Variants in AKAP6 observed in about 807,000 individuals in gnomAD.
AKAP6 encodes A-kinase anchoring protein 6.
In AKAP6, 58 loss-of-function variants were observed where a neutral mutation model predicts 188.5. That is an observed-to-expected ratio of 0.31 (90% CI 0.25 to 0.38). The LOEUF is 0.38. Among genes scored for constraint, AKAP6 ranks in the 10% least tolerant of loss-of-function variants. The pLI is 1.00. For synonymous variants in AKAP6, 989 were observed against 998.6 expected, an observed-to-expected ratio of 0.99 and a Z score of 0.18; for missense variants, 2,710 against 2,740.0, an observed-to-expected ratio of 0.99 and a Z score of 0.24.
chr14:32,552,950 T>A (rs1883538099), intron 4 of AKAP6, among the ~76,000 whole-genome samples: 1 of 152,052 alleles, frequency 6.6e-6, no homozygotes, highest in African/African-American at 2.4e-5. Flanking sequence ...CATTAACTCA[T>A]CATGGCAGAG....
intron 1 of AKAP6, among the ~76,000 whole-genome samples, chr14:32,356,950 G>A (rs111836957): frequency 7.2e-5 from 11 of 151,884 alleles, no homozygotes; most frequent in African/African-American, 2.2e-4. Context: ...TGCTTGCACC[G>A]GACATATGCC....
intron 4 of AKAP6, among the ~76,000 whole-genome samples, chr14:32,562,451 G>T (rs548704781): frequency 2.6e-5 from 4 of 152,152 alleles, no homozygotes; most frequent in Non-Finnish European, 4.4e-5. Context: ...GAAGACTATC[G>T]GTAGTCTTTT....
chr14:32,522,794 G>A (rs566483081), intron 2 of AKAP6, among the ~76,000 whole-genome samples: 1 of 152,304 alleles, frequency 6.6e-6, no homozygotes, highest in African/African-American at 2.4e-5. Flanking sequence ...ATTCCTCGGG[G>A]ATCTAGAACT....
intron 9 of AKAP6, among the ~76,000 whole-genome samples, chr14:32,728,126 C>T (rs1435163365): frequency 6.6e-6 from 1 of 150,484 alleles, no homozygotes; most frequent in East Asian, 2.0e-4. Flanking sequence ...TGAGGGGCCA[C>T]CATGAAGCCT....
At chr14:32,433,847 T>C (rs1233369444) in intron 2 of AKAP6, 30 bp downstream of exon 2, 1 of 1,584,434 alleles carries the variant, frequency 6.3e-7, no homozygotes, top group African/African-American at 1.3e-5. Flanking sequence ...CCTCTCAGGA[T>C]AGAAGTTTTC....
intron 9 of AKAP6, 114 bp downstream of exon 9, chr14:32,696,224 T>G: frequency 1.5e-6 from 2 of 1,327,280 alleles, no homozygotes; most frequent in Non-Finnish European, 2.0e-6. Context: ...ATGGTGTCTA[T>G]TAGAATTCCC....
At chr14:32,606,443 G>C (rs1272011636) in intron 7 of AKAP6, among the ~76,000 whole-genome samples, 1 of 151,824 alleles carries the variant, frequency 6.6e-6, no homozygotes, top group African/African-American at 2.4e-5. Context: ...TTTCACTTAC[G>C]AAGCATGCAT....
intron 2 of AKAP6, among the ~76,000 whole-genome samples, chr14:32,510,434 ATG>A (rs71880805): frequency 0.34 from 32,794 of 96,258 alleles, 5,121 homozygotes; most frequent in Admixed American, 0.39. Flanking sequence ...ACATATATAT[ATG>A]TGTATATATA....
At chr14:32,813,830 G>T (rs894586534) in intron 12 of AKAP6, among the ~76,000 whole-genome samples, 11 of 149,990 alleles carry the variant, frequency 7.3e-5, no homozygotes, top group Admixed American at 2.0e-4. Flanking sequence ...CAAGGTCTTT[G>T]CAACTTATTC....
chr14:32,488,364 T>C (rs915061709), intron 2 of AKAP6, among the ~76,000 whole-genome samples: 1 of 152,152 alleles, frequency 6.6e-6, no homozygotes, highest in African/African-American at 2.4e-5. Flanking sequence ...TCAGTAATGG[T>C]GGACGCCCCT....
At chr14:32,693,958 TTTTA>T (rs1890285285) in intron 8 of AKAP6, among the ~76,000 whole-genome samples, 1 of 152,202 alleles carries the variant, frequency 6.6e-6, no homozygotes, top group East Asian at 1.9e-4. Context: ...ATGGTTTATT[TTTTA>T]TTTGTCTCTT....
intron 12 of AKAP6, among the ~76,000 whole-genome samples, chr14:32,774,578 T>C (rs1041873969): frequency 2.0e-5 from 3 of 152,190 alleles, no homozygotes; most frequent in Admixed American, 2.0e-4. Flanking sequence ...TAGATATAAC[T>C]AGAAGTTGTT....
intron 7 of AKAP6, among the ~76,000 whole-genome samples, chr14:32,619,278 TTC>T (rs1193931120): frequency 2.0e-5 from 3 of 152,298 alleles, no homozygotes; most frequent in African/African-American, 7.2e-5. Flanking sequence ...AGGAGAGTTT[TTC>T]TTAGTTTTTC....
chr14:32,719,290 G>T (rs1344560712), intron 9 of AKAP6, among the ~76,000 whole-genome samples: 1 of 152,146 alleles, frequency 6.6e-6, no homozygotes, highest in Non-Finnish European at 1.5e-5. Context: ...GTAAATTCTG[G>T]GTGCAGCCTC....
chr14:32,809,010 A>C (rs1481516974), intron 12 of AKAP6, among the ~76,000 whole-genome samples: 1 of 152,216 alleles, frequency 6.6e-6, no homozygotes, highest in African/African-American at 2.4e-5. Context: ...AGCAAAATCA[A>C]AACAAACTTT....
intron 11 of AKAP6, among the ~76,000 whole-genome samples, chr14:32,768,321 T>G (rs909982210): frequency 2.0e-5 from 3 of 152,228 alleles, no homozygotes; most frequent in Non-Finnish European, 4.4e-5. Context: ...TTATTATGTG[T>G]GCTTTCTGGG....
intron 11 of AKAP6, among the ~76,000 whole-genome samples, chr14:32,771,374 A>T (rs2139985491): frequency 6.7e-6 from 1 of 150,354 alleles, no homozygotes; most frequent in African/African-American, 2.4e-5. Context: ...AATTGTGAAT[A>T]TCCAAAAATC....
intron 12 of AKAP6, among the ~76,000 whole-genome samples, chr14:32,794,485 A>C (rs1465043243): frequency 1.3e-5 from 2 of 152,148 alleles, no homozygotes; most frequent in Admixed American, 1.3e-4. Context: ...TCTTGAACCC[A>C]GGAGGCAGAT....
chr14:32,362,762 C>T (rs10134645), intron 1 of AKAP6, among the ~76,000 whole-genome samples: 58,258 of 151,960 alleles, frequency 0.38, 12,462 homozygotes, highest in African/African-American at 0.58. Context: ...CTTTATCCTA[C>T]TGAATAGGGA....
Sources: allele counts gnomAD v4.1 joint callset (sites outside exome capture counted in the v4.1 genomes callset), GRCh38; gene constraint gnomAD v4.1.1; transcripts MANE v1.5; gene names NCBI Gene and HGNC (gene_info 2026-07-23, HGNC 2026-07-21).